TMEM131: variants seen among roughly 807,000 people sequenced by gnomAD.
TMEM131 encodes the protein 2610524E03Rik.
In TMEM131, 66 loss-of-function variants were observed where a neutral mutation model predicts 211.6. That is an observed-to-expected ratio of 0.31 (90% confidence interval 0.26 to 0.38). The LOEUF (loss-of-function observed/expected upper bound fraction) is 0.38. Among genes scored for constraint, TMEM131 ranks in the 10% least tolerant of loss-of-function variants. The probability of loss-of-function intolerance (pLI) is 1.00; values close to 1 mark genes in which losing one functional copy is unlikely to be tolerated. For synonymous variants in TMEM131, 844 were observed against 841.3 expected, an observed-to-expected ratio of 1.00 and a Z score of -0.06; for missense variants, 2,036 against 2,299.3, an observed-to-expected ratio of 0.89 and a Z score of 2.34.
At chr2:97,931,110 T>C (rs1414986225) in intron 1 of TMEM131, among the ~76,000 whole-genome samples, 2 of 151,894 alleles carry the variant, frequency 1.3e-5, no homozygotes, top group South Asian at 4.1e-4. Context: ...CAGCACCTTT[T>C]AGCAACCAAA....
chr2:97,975,424 C>T (rs1480500143), intron 1 of TMEM131, among the ~76,000 whole-genome samples: 1 of 152,026 alleles, frequency 6.6e-6, no homozygotes, highest in Non-Finnish European at 1.5e-5. Context: ...TTATAAGTTT[C>T]AGGAATAAGA....
chr2:97,811,101 T>C (rs1185786280), intron 18 of TMEM131, 27 bp downstream of exon 18: 1 of 1,501,850 alleles, frequency 6.7e-7, no homozygotes, highest in East Asian at 2.3e-5. Context: ...AAAACCCCAC[T>C]GCCATGAATC....
chr2:97,915,899 T>C (rs1387912635), intron 2 of TMEM131, among the ~76,000 whole-genome samples: 1 of 152,202 alleles, frequency 6.6e-6, no homozygotes, highest in African/African-American at 2.4e-5. Flanking sequence ...TCTTTATTCC[T>C]AGTTTTTAAG....
intron 3 of TMEM131, among the ~76,000 whole-genome samples, chr2:97,890,927 C>T (rs1559427791): frequency 1.3e-5 from 2 of 152,290 alleles, no homozygotes; most frequent in East Asian, 3.9e-4. Flanking sequence ...AACAGTACAT[C>T]AAATATGATT....
intron 4 of TMEM131, among the ~76,000 whole-genome samples, chr2:97,881,768 G>A (rs1189728151): frequency 6.7e-6 from 1 of 150,104 alleles, no homozygotes; most frequent in Non-Finnish European, 1.5e-5. Context: ...TAGCTAACAG[G>A]TATTAAGAGG....
intron 5 of TMEM131, among the ~76,000 whole-genome samples, chr2:97,858,544 T>C (rs574271624): frequency 3.5e-4 from 53 of 152,254 alleles, no homozygotes; most frequent in Admixed American, 5.9e-4. Flanking sequence ...TCCCAACCAG[T>C]TGCCTTTCAG....
rs1368722810 is a variant in TMEM131, at chr2:97,766,176, T to C, written c.4661A>G (p.Glu1554Gly). 6.2e-7 allele frequency: 1 copy of C among 1,614,040 alleles called. No homozygotes were observed. The highest frequency in any genetic ancestry group is 8.5e-7 in the Non-Finnish European group (1 of 1,179,894). The change falls in exon 35 of 41, where the codon GAG (glutamate) becomes GGG (glycine). Residue 1554 changes from glutamate (E) to glycine (G), a missense_variant. Glu to Gly is a moderately conservative substitution (Grantham distance 98, BLOSUM62 -2). Coordinates refer to ENST00000186436, the MANE Select transcript of TMEM131 (RefSeq NM_015348.2). ...CGGTGGAGGAGAGTCTTTTTCACCC[T>C]CTGAGCTACTGGTGTTGCCTAATTC... Reference protein sequence around the residue: ...SQELGNTSSSEGEKDSPPPEW... With the variant: ...SQELGNTSSSGGEKDSPPPEW...
Position 97,762,207 on chromosome 2 carries a change from A to G in TMEM131, c.4724-7T>C. 1 of 1,613,788 alleles carries G rather than the reference A, an allele frequency of 6.2e-7. No individual in the cohort carries two copies. The highest frequency in any genetic ancestry group is 1.1e-5 in the South Asian group (1 of 91,038). On this transcript the variant is annotated splice_polypyrimidine_tract_variant and splice_region_variant and intron_variant, in intron 35 of 40. Transcript: ENST00000186436. ...TTATAAAGACTATCAGTAGCTGGAAATTAAAAACAAACGGGCTCGTTAGTG... is the reference window on the plus strand; with the variant it reads ...TTATAAAGACTATCAGTAGCTGGAAGTTAAAAACAAACGGGCTCGTTAGTG...
chr2:97,763,011 G>C (rs1408228655), intron 35 of TMEM131: 1 of 152,182 alleles, frequency 6.6e-6, no homozygotes, highest in Non-Finnish European at 1.5e-5. Context: ...GTGGGGGAGA[G>C]CTTGGACCTG....
chr2:97,876,466 G>A (rs1277771197), intron 4 of TMEM131, among the ~76,000 whole-genome samples: 6 of 152,052 alleles, frequency 3.9e-5, no homozygotes, highest in South Asian at 2.1e-4. Flanking sequence ...ATAAAATACC[G>A]GCAAACTGAA....
chr2:97,898,920 G>A (rs1336417306), intron 3 of TMEM131, among the ~76,000 whole-genome samples: 1 of 151,778 alleles, frequency 6.6e-6, no homozygotes. Flanking sequence ...TCTGCTCTTG[G>A]TGGATGTAGT....
rs367664879 is a variant in TMEM131, at chr2:97,951,380, G to A, written c.188-23893C>T. ...GGGGTGGAAGGCACATCCTCAGGCTGCACAGTATGATTAGGCCAGTGGGTA... is the reference window on the plus strand; with the variant it reads ...GGGGTGGAAGGCACATCCTCAGGCTACACAGTATGATTAGGCCAGTGGGTA... On this transcript the variant is annotated intron_variant, in intron 1 of 40. Transcript: ENST00000186436. Among the ~76,000 whole-genome samples the A allele has an allele frequency of 4.6e-5, 7 of 152,300 alleles. No individual in the cohort carries two copies. The East Asian group carries it at 1.2e-3, about 25-fold the overall frequency.
At position 97,779,096 on chromosome 2, in the gene TMEM131, G is replaced by A. The variant is rs1279411284; in HGVS notation, c.4145-3078C>T. 2.6e-5 allele frequency among the ~76,000 whole-genome samples: 4 copies of A among 152,184 alleles called. No homozygotes were observed. In the East Asian group the frequency reaches 7.7e-4, roughly 29 times the overall value. On this transcript the variant is annotated intron_variant, in intron 31 of 40. Coordinates refer to ENST00000186436, the MANE Select transcript of TMEM131 (RefSeq NM_015348.2). ...CTCAGGGTCTAGGCCCCACCCCTCA[G>A]AGAGATTCTGACTCAACAGTTCTGG...
Position 97,802,746 on chromosome 2 carries a change from A to G in TMEM131, c.2447T>C (p.Ile816Thr), listed in dbSNP as rs2104928018. 2 of 1,575,822 alleles carry G rather than the reference A, an allele frequency of 1.3e-6. No homozygotes were observed. The highest frequency in any genetic ancestry group is 1.7e-6 in the Non-Finnish European group (2 of 1,166,938). Residue 816 changes from isoleucine (I) to threonine (T), a missense_variant, in exon 23 of 41, where the codon ATA becomes ACA. Physicochemically the swap from Ile to Thr is moderately conservative, Grantham distance 89 (BLOSUM62 -1). This residue lies in a region of TMEM131 where 1,623 missense variants were observed against 1,805.9 expected (regional missense o/e 0.90). Coordinates refer to ENST00000186436, the MANE Select transcript of TMEM131 (RefSeq NM_015348.2). The part of the protein sequence containing the change: ...FEVNTDLQKN[I>T]ISKITAELSW... ...GAGCTCAGCAGTGATTTTTGATATT[A>G]TATTTTTTTGAAGGTCTGTATTTAC...
chr2:97,911,777 T>C (rs1393415709), intron 2 of TMEM131: 2 of 439,184 alleles, frequency 4.6e-6, no homozygotes, highest in African/African-American at 4.3e-5. Context: ...AATAAAAATC[T>C]CAGAACATGC....
Position 97,912,489 on chromosome 2 carries a change from T to C in TMEM131, c.250-3791A>G, listed in dbSNP as rs576089197. ...AAAATGCCCATGCCATGCATTTTTTTAATCTTCTATCAAATATAAGACACT... is the reference window on the plus strand; with the variant it reads ...AAAATGCCCATGCCATGCATTTTTTCAATCTTCTATCAAATATAAGACACT... On this transcript the variant is annotated intron_variant, in intron 2 of 40. Coordinates refer to ENST00000186436, the MANE Select transcript of TMEM131 (RefSeq NM_015348.2). Among the ~76,000 whole-genome samples, 8 of 152,300 alleles carry C rather than the reference T, an allele frequency of 5.3e-5. 1 individual carries two copies. In the South Asian group the frequency reaches 1.5e-3, roughly 28 times the overall value.
intron 1 of TMEM131, among the ~76,000 whole-genome samples, chr2:97,941,592 A>C (rs1348040572): frequency 6.6e-6 from 1 of 152,234 alleles, no homozygotes; most frequent in African/African-American, 2.4e-5. Flanking sequence ...AAGGGCTAAT[A>C]TCCAGAATCG....
In TMEM131 at chr2:97,965,446, C is replaced by A. The variant is rs146877893; in HGVS notation, c.187+30030G>T. Among the ~76,000 whole-genome samples, 482 of 152,340 alleles carry A rather than the reference C, an allele frequency of 3.2e-3. 7 individuals carry two copies. In the East Asian group the frequency reaches 0.039, roughly 12 times the overall value. ...AAACTCTTATTCTGTCTCTTTCTAA[C>A]TCCTTTGTCTCCGCTGGACTCGGGG... is the stretch of plus-strand genomic sequence containing the variant. On this transcript the variant is annotated intron_variant, in intron 1 of 40. Coordinates refer to ENST00000186436, the MANE Select transcript of TMEM131 (RefSeq NM_015348.2).
chr2:97,824,830 A>C (rs1484353082), intron 11 of TMEM131, among the ~76,000 whole-genome samples: 1 of 151,956 alleles, frequency 6.6e-6, no homozygotes, highest in Non-Finnish European at 1.5e-5. Flanking sequence ...CTTAGTAAGG[A>C]AATGCAGCAG....
Sources: allele counts gnomAD v4.1 joint callset (sites outside exome capture counted in the v4.1 genomes callset), GRCh38; gene constraint gnomAD v4.1.1; regional missense constraint gnomAD v4.1.1; transcripts MANE v1.5; gene names NCBI Gene and HGNC (gene_info 2026-07-23, HGNC 2026-07-21).